The following OPA1 variants were observed in gnomAD, a reference collection of about 807,000 sequenced individuals.
The protein encoded by OPA1 is dynamin-like GTPase OPA1, mitochondrial.
In OPA1, 59 loss-of-function variants were observed where a neutral mutation model predicts 152.9. The observed-to-expected ratio is 0.39, with a 90% CI of 0.31 to 0.48. The LOEUF is 0.48. OPA1 is among the 20% of genes least tolerant of loss of function. The pLI, the probability that OPA1 is intolerant of heterozygous loss-of-function variation, is 0.96. For synonymous variants in OPA1, 400 were observed against 389.9 expected (o/e 1.03, Z -0.31); for missense variants, 1,008 against 1,216.8 (o/e 0.83, Z 2.55).
At chr3:193,603,407 A>G (rs1726757668) in intron 1 of OPA1, 1 of 152,282 alleles carries the variant, frequency 6.6e-6, no homozygotes, top group South Asian at 2.1e-4. Context: ...CTGATTGAGC[A>G]TAAAAATCTG....
At position 193,615,785 on chromosome 3, in the gene OPA1, C is replaced by T. The variant is rs766139810; in HGVS notation, c.448+15C>T. The T allele has an allele frequency of 2.4e-5, 34 of 1,424,688 alleles. No individual in the cohort carries two copies. Among genetic ancestry groups the T allele is most frequent in the African/African-American group, 7.0e-5 (5 of 71,226 alleles). The allele number at this position is 1,424,688 out of a possible 1,614,324, so 88.3% of individuals were successfully genotyped here. A position where few individuals can be genotyped will look rare whatever the true frequency, so the allele number is the denominator to read the frequency against. ...TATCGATTTTGGTTTGTATCATGAA[C>T]ATTAAAATACTTTTTTTGGTCATCT... On this transcript the variant is annotated intron_variant, in intron 3 of 30. Transcript: ENST00000361510.
chr3:193,668,721 A>G, intron 29 of OPA1: 2 of 1,315,420 alleles, frequency 1.5e-6, no homozygotes, highest in East Asian at 7.4e-5. Context: ...CACCTGCAGT[A>G]GGCTACCATG....
chr3:193,600,424 G>T (rs1381529257), intron 1 of OPA1, among the ~76,000 whole-genome samples: 4 of 152,182 alleles, frequency 2.6e-5, no homozygotes, highest in Middle Eastern at 6.3e-3. Flanking sequence ...TCAATGTACA[G>T]CTGCATACAA....
intron 29 of OPA1, among the ~76,000 whole-genome samples, chr3:193,686,495 C>A (rs1343644182): frequency 6.6e-6 from 1 of 152,156 alleles, no homozygotes; most frequent in Non-Finnish European, 1.5e-5. Context: ...CTTCATCTAT[C>A]TGTTTGGTTC....
chr3:193,622,324 G>A (rs1329323260), intron 6 of OPA1, among the ~76,000 whole-genome samples: 1 of 143,540 alleles, frequency 7.0e-6, no homozygotes, highest in Non-Finnish European at 1.5e-5. Flanking sequence ...TGCCTCCCGG[G>A]TTCAAGCGAT....
intron 8 of OPA1, among the ~76,000 whole-genome samples, chr3:193,632,916 A>G (rs1732321546): frequency 6.6e-6 from 1 of 152,116 alleles, no homozygotes; most frequent in African/African-American, 2.4e-5. Context: ...TTTGTGAAAA[A>G]GTGAAACGAC....
At chr3:193,676,803 A>C (rs983413035) in intron 29 of OPA1, among the ~76,000 whole-genome samples, 1 of 152,064 alleles carries the variant, frequency 6.6e-6, no homozygotes, top group South Asian at 2.1e-4. Context: ...ACACAGTGAA[A>C]CCCCGTCTCT....
At chr3:193,651,180 G>A (rs1407688470) in intron 21 of OPA1, among the ~76,000 whole-genome samples, 1 of 152,152 alleles carries the variant, frequency 6.6e-6, no homozygotes, top group Non-Finnish European at 1.5e-5. Context: ...GCAGTAGGGG[G>A]AGGGTGGTCA....
In OPA1 at chr3:193,695,689, T is replaced by TA. The variant is rs1722193632; in HGVS notation, c.*1093dup. On this transcript the variant is annotated 3_prime_UTR_variant, in exon 31 of 31. Transcript: ENST00000361510. ...CAAGCAAAGAAATGCTTTCTTTACT[T>TA]AAAATGTCTATCTCATTTGCTGCCT... The TA allele has an allele frequency of 6.6e-6, 1 of 152,234 alleles. No individual in the cohort carries two copies. The highest frequency in any genetic ancestry group is 1.5e-5 in the Non-Finnish European group (1 of 68,030). The allele number at this position is 152,234 out of a possible 1,614,324, so 9.4% of individuals were successfully genotyped here.
intron 20 of OPA1, 168 bp downstream of exon 20, chr3:193,648,302 T>C: frequency 1.8e-6 from 1 of 564,402 alleles, no homozygotes; most frequent in Non-Finnish European, 3.1e-6. Flanking sequence ...TTCAGTAATT[T>C]AAATTATTTA....
intron 29 of OPA1, among the ~76,000 whole-genome samples, chr3:193,676,974 C>CT (rs1444837200): frequency 0.012 from 1,162 of 93,438 alleles, 15 homozygotes; most frequent in African/African-American, 0.046. Context: ...GAGCAAGACT[C>CT]GTCTCAAAAA....
At chr3:193,625,589 A>G (rs1049903507) in intron 6 of OPA1, among the ~76,000 whole-genome samples, 1 of 152,142 alleles carries the variant, frequency 6.6e-6, no homozygotes, top group East Asian at 1.9e-4. Flanking sequence ...TTAATGTACA[A>G]CCTTTATTAA....
chr3:193,660,641 G>A (rs374371990), intron 25 of OPA1, among the ~76,000 whole-genome samples: 38 of 151,750 alleles, frequency 2.5e-4, no homozygotes, highest in African/African-American at 8.9e-4. Context: ...TCAGATGTGA[G>A]TCTCAACTTT....
At chr3:193,676,285 G>A (rs1420628699) in intron 29 of OPA1, among the ~76,000 whole-genome samples, 8 of 151,998 alleles carry the variant, frequency 5.3e-5, no homozygotes, top group Non-Finnish European at 8.8e-5. Context: ...TTTGTTTTAT[G>A]GTAGCAATAC....
rs1722172371 is a variant in OPA1, at chr3:193,695,460, T to A, written c.*860T>A. ...TTCATTTAGAATATTATCAAACATT[T>A]CAACTAGGTATCAGAAAAAGGCTTT... On this transcript the variant is annotated 3_prime_UTR_variant, in exon 31 of 31. Transcript: ENST00000361510. 1.3e-5 allele frequency: 2 copies of A among 152,192 alleles called. No individual in the cohort carries two copies. The highest frequency in any genetic ancestry group is 4.8e-5 in the African/African-American group (2 of 41,436). The allele number at this position is 152,192 out of a possible 1,614,324, so 9.4% of individuals were successfully genotyped here.
intron 29 of OPA1, among the ~76,000 whole-genome samples, chr3:193,672,153 A>G (rs1021688792): frequency 8.5e-5 from 13 of 152,228 alleles, no homozygotes; most frequent in African/African-American, 2.9e-4. Flanking sequence ...TAACTTTAGA[A>G]TACTTTCTTT....
At chr3:193,640,099 A>G (rs760905452) in intron 11 of OPA1, among the ~76,000 whole-genome samples, 1 of 152,162 alleles carries the variant, frequency 6.6e-6, no homozygotes, top group Non-Finnish European at 1.5e-5. Context: ...GCAGTTGGGT[A>G]TACAAGTTTA....
intron 6 of OPA1, among the ~76,000 whole-genome samples, chr3:193,621,056 T>C (rs552658344): frequency 6.6e-6 from 1 of 152,364 alleles, no homozygotes; most frequent in Non-Finnish European, 1.5e-5. Flanking sequence ...AGCCCCAGAT[T>C]TAAACAGTAT....
chr3:193,666,541 A>T, intron 28 of OPA1, 152 bp downstream of exon 28: 1 of 717,228 alleles, frequency 1.4e-6, no homozygotes, highest in Admixed American at 2.3e-5. Flanking sequence ...TAATCTCAGC[A>T]TGTTGAGAGG....
Sources: allele counts gnomAD v4.1 joint callset (sites outside exome capture counted in the v4.1 genomes callset), GRCh38; gene constraint gnomAD v4.1.1; transcripts MANE v1.5; gene names NCBI Gene and HGNC (gene_info 2026-07-23, HGNC 2026-07-21).